RECQL5: variants seen among roughly 807,000 people sequenced by gnomAD.
RECQL5 encodes the protein RecQ like helicase 5.
Under a neutral mutation model 103.4 loss-of-function variants are expected in RECQL5, and 88 were observed. That is an observed-to-expected ratio of 0.85 (90% CI 0.72 to 1.02). RECQL5 has a LOEUF of 1.02. RECQL5 is among the 50% of genes least tolerant of loss of function. RECQL5 has a pLI of 0.00. For missense variants in RECQL5, 1,232 were observed against 1,284.3 expected, an observed-to-expected ratio of 0.96 and a Z score of 0.62; for synonymous variants, 552 against 507.9, an observed-to-expected ratio of 1.09 and a Z score of -1.17.
At chr17:75,666,255 A>G (rs2059778689) in intron 2 of RECQL5, among the ~76,000 whole-genome samples, 173 bp downstream of exon 2, 1 of 152,086 alleles carries the variant, frequency 6.6e-6, no homozygotes, top group Non-Finnish European at 1.5e-5. Flanking sequence ...CCAAGACCCC[A>G]TCTCTAATTA....
intron 14 of RECQL5, 87 bp downstream of exon 14, chr17:75,630,097 T>C: frequency 8.2e-7 from 1 of 1,223,648 alleles, no homozygotes; most frequent in Non-Finnish European, 1.1e-6. Context: ...CTGGGCTGCC[T>C]GAGCCCAGAG....
Position 75,640,641 on chromosome 17 carries a change from TC to T in RECQL5, c.1230-8974del. On this transcript the variant is annotated intron_variant, in intron 8 of 19. Transcript: ENST00000317905. This position sits in a 1 kb window ranked among gnomAD's most constrained non-coding sequence, Gnocchi z 4.6. ...GCCCTGGCGGCTGGCATGGGGACCG[TC>T]CGCACCTCTCACCAGCCTCTCGGAT... is the stretch of plus-strand genomic sequence containing the variant. 1 of 1,445,588 alleles carries T rather than the reference TC, an allele frequency of 6.9e-7. No individual in the cohort carries two copies. The highest frequency in any genetic ancestry group is 9.2e-7 in the Non-Finnish European group (1 of 1,091,964). 89.5% of individuals were successfully genotyped at this position (1,445,588 alleles called of 1,614,324 possible). A position where few individuals can be genotyped will look rare whatever the true frequency, so the allele number is the denominator to read the frequency against.
chr17:75,627,586 C>T (rs1468816882), intron 19 of RECQL5, 37 bp downstream of exon 19: 1 of 1,613,362 alleles, frequency 6.2e-7, no homozygotes, highest in Non-Finnish European at 8.5e-7. Context: ...GACCACCCTC[C>T]CAAGTGCCTC....
chr17:75,632,692 C>G (rs1404461183), intron 8 of RECQL5, among the ~76,000 whole-genome samples: 3 of 152,208 alleles, frequency 2.0e-5, no homozygotes, highest in Non-Finnish European at 4.4e-5. Context: ...GTTCCCTCTG[C>G]ATGGGGGTGG....
intron 8 of RECQL5, among the ~76,000 whole-genome samples, chr17:75,644,828 CAA>C (rs61339782): frequency 2.2e-5 from 3 of 136,546 alleles, no homozygotes; most frequent in African/African-American, 2.7e-5. Context: ...GACTCTGCCT[CAA>C]AAAAAAAAAA....
intron 8 of RECQL5, 105 bp downstream of exon 8, chr17:75,651,081 T>C: frequency 6.2e-7 from 1 of 1,600,780 alleles, no homozygotes; most frequent in South Asian, 1.1e-5. Context: ...CAGGTGTCCC[T>C]TGGTAGCCTA....
intron 7 of RECQL5, among the ~76,000 whole-genome samples, chr17:75,657,821 A>G (rs2059644673): frequency 2.6e-5 from 4 of 151,784 alleles, no homozygotes; most frequent in South Asian, 2.1e-4. Context: ...AGGCCGAGGC[A>G]GGCGGATCAC....
At chr17:75,655,804 C>A (rs2059612434) in intron 7 of RECQL5, among the ~76,000 whole-genome samples, 1 of 152,144 alleles carries the variant, frequency 6.6e-6, no homozygotes, top group South Asian at 2.1e-4. Flanking sequence ...CTCAGCCTTC[C>A]CAGTAGCTGG....
intron 8 of RECQL5, among the ~76,000 whole-genome samples, chr17:75,632,858 C>A (rs988284302): frequency 6.6e-6 from 1 of 152,228 alleles, no homozygotes; most frequent in Non-Finnish European, 1.5e-5. Flanking sequence ...TGGGGTGCCA[C>A]ATCCCAGGGA....
In RECQL5 at chr17:75,640,074, G is replaced by A. The variant is rs1433921494; in HGVS notation, c.1230-8406C>T. 4.5e-6 allele frequency: 6 copies of A among 1,322,080 alleles called. No individual in the cohort carries two copies. The highest frequency in any genetic ancestry group is 5.8e-5 in the Admixed American group (2 of 34,316). The allele number at this position is 1,322,080 out of a possible 1,614,324, so 81.9% of individuals were successfully genotyped here. On this transcript the variant is annotated intron_variant, in intron 8 of 19. Transcript: ENST00000317905. This position sits in a 1 kb window ranked among gnomAD's most constrained non-coding sequence, Gnocchi z 4.6. ...GTGAGACCTGACAAACTTGTTCTGC[G>A]GGCTGCGGATGGGTGCGAGGGTGGA... is the stretch of plus-strand genomic sequence containing the variant.
At chr17:75,630,360 G>A in intron 13 of RECQL5, 83 bp from the exon 14 acceptor site, 1 of 1,269,288 alleles carries the variant, frequency 7.9e-7, no homozygotes, top group Non-Finnish European at 1.1e-6. Context: ...TCCAGGCCTG[G>A]TGGGGTAGGC....
chr17:75,650,843 C>A (rs2059545974), intron 8 of RECQL5: 2 of 1,478,546 alleles, frequency 1.4e-6, no homozygotes, highest in Non-Finnish European at 1.8e-6. Context: ...GCCAGAAGTC[C>A]CAGCTCGGTG....
In RECQL5 at chr17:75,640,184, A is replaced by G. The variant is rs1410994714; in HGVS notation, c.1230-8516T>C. On this transcript the variant is annotated intron_variant, in intron 8 of 19. Coordinates refer to ENST00000317905, the MANE Select transcript of RECQL5 (RefSeq NM_004259.7). The surrounding 1 kb of genome is among the most constrained non-coding windows in gnomAD (Gnocchi z 4.6). ...CCAGCAGAGCCCGGCAGGAGCCCCA[A>G]CAGGAAGCCAGCGCGGCATGGCTGC... 15 of 1,538,844 alleles carry G rather than the reference A, an allele frequency of 9.7e-6. No individual in the cohort carries two copies. In the African/African-American group the frequency reaches 1.5e-4, roughly 16 times the overall value.
intron 8 of RECQL5, among the ~76,000 whole-genome samples, chr17:75,646,952 GCT>G (rs2059495867): frequency 6.6e-6 from 1 of 152,180 alleles, no homozygotes; most frequent in Non-Finnish European, 1.5e-5. Flanking sequence ...GCTCCTATAC[GCT>G]CTCTCAAATG....
intron 8 of RECQL5, among the ~76,000 whole-genome samples, chr17:75,648,518 T>TC (rs1206564583): frequency 2.0e-4 from 30 of 149,002 alleles, no homozygotes; most frequent in Non-Finnish European, 4.3e-4. Flanking sequence ...GACTACAGGC[T>TC]CCCACCACCG....
rs190802650 is a variant in RECQL5, at chr17:75,661,438, A to G, written c.874+168T>C. Among the ~76,000 whole-genome samples, 242 of 152,376 alleles carry G rather than the reference A, an allele frequency of 1.6e-3. 2 individuals are homozygous for G. The South Asian group carries it at 0.025, about 16-fold the overall frequency. ...AGTCACAATTCTCATTTTAGACCTC[A>G]TTCATGTCTAGACTCCTTTTAGGGG... On this transcript the variant is annotated intron_variant, in intron 5 of 19. Transcript: ENST00000317905.
intron 8 of RECQL5, chr17:75,635,806 C>T: frequency 4.1e-6 from 4 of 985,476 alleles, no homozygotes; most frequent in Non-Finnish European, 4.8e-6. Context: ...CAACACACCT[C>T]GCTTATCAGT....
intron 3 of RECQL5, 129 bp from the exon 4 acceptor site, chr17:75,663,126 A>T (rs1249662663): frequency 5.5e-6 from 5 of 901,680 alleles, no homozygotes; most frequent in Non-Finnish European, 6.7e-6. Context: ...CTTTGCATAG[A>T]AGTAGTAGAG....
chr17:75,640,813 G>A lies in RECQL5; in HGVS notation c.1230-9145C>T. ...CAGCTACTGTTCTGCTGTTGCTGCT[G>A]ATAGCCTGCAGCTGCTGCTGCACTC... On this transcript the variant is annotated intron_variant, in intron 8 of 19. Coordinates refer to ENST00000317905, the MANE Select transcript of RECQL5 (RefSeq NM_004259.7). The surrounding 1 kb of genome is among the most constrained non-coding windows in gnomAD (Gnocchi z 4.6). 1 of 1,550,320 alleles carries A rather than the reference G, an allele frequency of 6.5e-7. No homozygotes were observed. The highest frequency in any genetic ancestry group is 8.7e-7 in the Non-Finnish European group (1 of 1,146,922).
Sources: gnomAD v4.1 joint callset for allele counts (sites outside exome capture counted in the v4.1 genomes callset) on GRCh38, gnomAD v4.1.1 for gene constraint, Gnocchi (gnomAD v3.1) non-coding constraint, MANE v1.5 for transcripts, NCBI Gene and HGNC (gene_info 2026-07-23, HGNC 2026-07-21) for gene names.